SRD5A2: variants seen among roughly 807,000 people sequenced by gnomAD.
The protein encoded by SRD5A2 is 3-oxo-5-alpha-steroid 4-dehydrogenase 2.
In SRD5A2, 30 loss-of-function variants were observed where a neutral mutation model predicts 27.4. The observed-to-expected ratio is 1.10, with a 90% CI of 0.82 to 1.49. The LOEUF is 1.49. Among genes scored for constraint, SRD5A2 ranks in the 40% most tolerant of loss-of-function variants. The probability of loss-of-function intolerance (pLI) is 0.00; values close to 1 mark genes in which losing one functional copy is unlikely to be tolerated. For missense variants in SRD5A2, 348 were observed against 323.4 expected (o/e 1.08, Z -0.58); for synonymous variants, 141 against 133.6 (o/e 1.06, Z -0.38).
At chr2:31,617,257 C>T in the SRD5A2 span, among the ~76,000 whole-genome samples, 11 of 152,044 alleles carry the variant, frequency 7.2e-5, no homozygotes, top group East Asian at 1.9e-4. Context: ...CTGAGCTGTA[C>T]GTTGACCCCT....
chr2:31,533,818 G>T, intron 1 of SRD5A2, 52 bp from the exon 2 acceptor site: 1 of 1,549,120 alleles, frequency 6.5e-7, no homozygotes, highest in Admixed American at 1.9e-5. Flanking sequence ...AAAGAACATG[G>T]TCTCATCCCC....
chr2:31,546,753 A>G (rs1181851390), intron 1 of SRD5A2, among the ~76,000 whole-genome samples: 1 of 152,154 alleles, frequency 6.6e-6, no homozygotes, highest in East Asian at 1.9e-4. Flanking sequence ...CAACTTACCC[A>G]TGTAATAAAC....
At chr2:31,612,172 A>G in the SRD5A2 span, among the ~76,000 whole-genome samples, 1 of 151,870 alleles carries the variant, frequency 6.6e-6, no homozygotes, top group Non-Finnish European at 1.5e-5. Context: ...TCCCAGTTAC[A>G]TGGGAGGTTG....
At chr2:31,526,294 T>C in intron 4 of SRD5A2, 32 bp from the exon 5 acceptor site, 1 of 1,426,640 alleles carries the variant, frequency 7.0e-7, no homozygotes. Context: ...ATTGTAAATA[T>C]AATGGAGCAG....
At chr2:31,661,495 G>C in the SRD5A2 span, among the ~76,000 whole-genome samples, 1 of 152,132 alleles carries the variant, frequency 6.6e-6, no homozygotes, top group African/African-American at 2.4e-5. Context: ...AAGGCTGTTT[G>C]ATATACAACC....
At chr2:31,637,197 T>C in the SRD5A2 span, among the ~76,000 whole-genome samples, 23 of 152,200 alleles carry the variant, frequency 1.5e-4, no homozygotes, top group Admixed American at 7.2e-4. Context: ...TCTTCAATCA[T>C]GGTAAGTTGT....
rs1375058123 is a variant in SRD5A2 at position 31,523,399 on chromosome 2, G to C, written c.*2797C>G. 1 of 215,362 alleles carries C rather than the reference G, an allele frequency of 4.6e-6. No homozygotes were observed. The highest frequency in any genetic ancestry group is 9.4e-6 in the Non-Finnish European group (1 of 106,876). 13.3% of individuals were successfully genotyped at this position (215,362 alleles called of 1,614,324 possible). The stretch of plus-strand genomic sequence containing the variant: ...AGCCCTAAAGGCTGTGCCTTAAGCA[G>C]AAGAAGCATACATCTGACCCTCAAA... On this transcript the variant is annotated 3_prime_UTR_variant, in exon 5 of 5. Coordinates refer to ENST00000622030, the MANE Select transcript of SRD5A2 (RefSeq NM_000348.4).
intron 1 of SRD5A2, among the ~76,000 whole-genome samples, chr2:31,555,412 T>C (rs1056865436): frequency 6.6e-6 from 1 of 152,166 alleles, no homozygotes; most frequent in Non-Finnish European, 1.5e-5. Context: ...GCTATCACAT[T>C]GGTTGTCTCA....
At chr2:31,651,591 C>A in the SRD5A2 span, 1 of 157,966 alleles carries the variant, frequency 6.3e-6, no homozygotes, top group African/African-American at 2.4e-5. Context: ...GATGGATCAG[C>A]TTAACTTTAT....
intron 1 of SRD5A2, among the ~76,000 whole-genome samples, chr2:31,562,612 C>T (rs2148090428): frequency 6.6e-6 from 1 of 152,122 alleles, no homozygotes; most frequent in African/African-American, 2.4e-5. Flanking sequence ...AAAAAGTTTC[C>T]ACCTACATTT....
At position 31,525,094 on chromosome 2, in the gene SRD5A2, C is replaced by A. The variant is rs1665745774; in HGVS notation, c.*1102G>T. On this transcript the variant is annotated 3_prime_UTR_variant, in exon 5 of 5. Transcript: ENST00000622030. ...AGCCAAACAAAACAGGTTTTCTGCC[C>A]AGACGTGCCCCTCTGTCTGCAATTT... 2 of 218,934 alleles carry A rather than the reference C, an allele frequency of 9.1e-6. No individual in the cohort carries two copies. Among genetic ancestry groups the A allele is most frequent in the Non-Finnish European group, 1.8e-5 (2 of 108,992 alleles). The allele number at this position is 218,934 out of a possible 1,614,324, so 13.6% of individuals were successfully genotyped here.
chr2:31,600,083 A>C, the SRD5A2 span, among the ~76,000 whole-genome samples: 1 of 151,858 alleles, frequency 6.6e-6, no homozygotes, highest in African/African-American at 2.4e-5. Context: ...AACATACAGT[A>C]TTTGGTTTTC....
At chr2:31,661,873 A>G in the SRD5A2 span, among the ~76,000 whole-genome samples, 2 of 152,062 alleles carry the variant, frequency 1.3e-5, no homozygotes, top group Non-Finnish European at 2.9e-5. Flanking sequence ...TATGTACTTC[A>G]GTTTGGATGA....
chr2:31,599,402 T>C, the SRD5A2 span, among the ~76,000 whole-genome samples: 1 of 152,032 alleles, frequency 6.6e-6, no homozygotes, highest in African/African-American at 2.4e-5. Context: ...ATGGGCCATA[T>C]GTTAGGTCAC....
At chr2:31,564,826 A>G (rs1369587046) in intron 1 of SRD5A2, among the ~76,000 whole-genome samples, 2 of 152,016 alleles carry the variant, frequency 1.3e-5, no homozygotes, top group East Asian at 3.8e-4. Flanking sequence ...AAATAAAAAC[A>G]CTTTCAGAAA....
At chr2:31,534,969 T>G (rs1442519339) in intron 1 of SRD5A2, among the ~76,000 whole-genome samples, 1 of 152,154 alleles carries the variant, frequency 6.6e-6, no homozygotes, top group Non-Finnish European at 1.5e-5. Flanking sequence ...ACATTTTAAA[T>G]TATGGAGTGA....
chr2:31,595,494 A>G, the SRD5A2 span, among the ~76,000 whole-genome samples: 1 of 152,306 alleles, frequency 6.6e-6, no homozygotes, highest in South Asian at 2.1e-4. Context: ...ACCCTCCCAG[A>G]TTAAACCAGA....
intron 1 of SRD5A2, among the ~76,000 whole-genome samples, chr2:31,574,292 G>A (rs935930338): frequency 1.3e-5 from 2 of 152,206 alleles, no homozygotes; most frequent in Non-Finnish European, 2.9e-5. Context: ...ACCTAGCATA[G>A]TTCTGAGCCT....
At chr2:31,648,404 T>C in the SRD5A2 span, among the ~76,000 whole-genome samples, 1 of 152,280 alleles carries the variant, frequency 6.6e-6, no homozygotes, top group Admixed American at 6.5e-5. Context: ...CCCTTAGTAA[T>C]TGGGTGACCC....
Sources: allele counts gnomAD v4.1 joint callset (sites outside exome capture counted in the v4.1 genomes callset), GRCh38; gene constraint gnomAD v4.1.1; transcripts MANE v1.5; gene names NCBI Gene and HGNC (gene_info 2026-07-23, HGNC 2026-07-21).